Variants in SOS2 observed in about 807,000 individuals in gnomAD.
SOS2 encodes the protein son of sevenless homolog 2.
SOS2 carries 65 observed loss-of-function variants against 148.2 expected under a neutral mutation model. That is an observed-to-expected ratio of 0.44 (90% CI 0.36 to 0.54). The LOEUF (loss-of-function observed/expected upper bound fraction) is 0.54. Among genes scored for constraint, SOS2 ranks in the 20% least tolerant of loss-of-function variants. The pLI, the probability that SOS2 is intolerant of heterozygous loss-of-function variation, is 0.00. For missense variants in SOS2, 1,341 were observed against 1,590.2 expected (o/e 0.84, Z 2.67); for synonymous variants, 539 against 537.1 (o/e 1.00, Z -0.05).
chr14:50,163,280 C>T (rs1290475913), intron 8 of SOS2, among the ~76,000 whole-genome samples: 2 of 151,878 alleles, frequency 1.3e-5, no homozygotes, highest in Non-Finnish European at 2.9e-5. Context: ...ATTTTGTGAT[C>T]TTTAACTTAT....
chr14:50,133,104 T>A (rs1490429713), intron 19 of SOS2, among the ~76,000 whole-genome samples: 1 of 152,120 alleles, frequency 6.6e-6, no homozygotes, highest in Non-Finnish European at 1.5e-5. Context: ...ATGGTTGGTA[T>A]TAGCGCTTAC....
Position 50,192,621 on chromosome 14 carries a change from T to G in SOS2, c.511-3921A>C, listed in dbSNP as rs8007526. Among the ~76,000 whole-genome samples the G allele has an allele frequency of 5.1e-3, 768 of 151,872 alleles. 5 individuals are homozygous for G. Among genetic ancestry groups the G allele is most frequent in the African/African-American group, 0.017 (685 of 41,432 alleles). ...GCTCATGCCTGTAATCCTAGCACTT[T>G]GGGAGGCCAAGGCAGGCAGATCACT... On this transcript the variant is annotated intron_variant, in intron 4 of 22. Transcript: ENST00000216373.
At chr14:50,135,658 T>C (rs1884054789) in intron 18 of SOS2, among the ~76,000 whole-genome samples, 1 of 143,540 alleles carries the variant, frequency 7.0e-6, no homozygotes, top group African/African-American at 2.5e-5. Flanking sequence ...TTTTTTTTTT[T>C]TTTTTTGAGA....
intron 10 of SOS2, among the ~76,000 whole-genome samples, chr14:50,159,062 C>T (rs559148481): frequency 4.6e-5 from 7 of 151,934 alleles, no homozygotes; most frequent in South Asian, 2.1e-4. Context: ...TTGTTGCGGG[C>T]GCCTATAGTC....
At chr14:50,198,352 T>A (rs1317491469) in intron 4 of SOS2, among the ~76,000 whole-genome samples, 11 of 146,538 alleles carry the variant, frequency 7.5e-5, no homozygotes, top group Non-Finnish European at 6.0e-5. Flanking sequence ...ATTTTCAAAG[T>A]AAAAAAAAAA....
chr14:50,147,679 AC>A, intron 14 of SOS2, among the ~76,000 whole-genome samples: 1 of 152,370 alleles, frequency 6.6e-6, no homozygotes, highest in African/African-American at 2.4e-5. Context: ...GGAGAATTAC[AC>A]AAAGGATTTC....
chr14:50,189,331 C>CAAAA (rs761860061), intron 4 of SOS2, among the ~76,000 whole-genome samples: 7 of 31,486 alleles, frequency 2.2e-4, no homozygotes, highest in Admixed American at 4.9e-4. Context: ...CACATAATAG[C>CAAAA]AAAAAAAAAA....
intron 4 of SOS2, among the ~76,000 whole-genome samples, chr14:50,195,141 C>T (rs544467375): frequency 3.7e-4 from 56 of 152,256 alleles, no homozygotes; most frequent in Admixed American, 3.7e-3. Flanking sequence ...AAAGACCTAA[C>T]ATAATGGTAC....
intron 9 of SOS2, among the ~76,000 whole-genome samples, chr14:50,160,366 T>A (rs1884957420): frequency 6.9e-6 from 1 of 144,960 alleles, no homozygotes; most frequent in Non-Finnish European, 1.5e-5. Context: ...CCTAATAATA[T>A]AACAATGCTA....
upstream of SOS2, among the ~76,000 whole-genome samples, chr14:50,231,765 C>T (rs1421626304): frequency 6.6e-6 from 1 of 152,054 alleles, no homozygotes; most frequent in South Asian, 2.1e-4. Flanking sequence ...CCTGCCCACT[C>T]GAGTCACCTC....
At chr14:50,156,885 T>C (rs2139617700) in intron 12 of SOS2, 114 bp downstream of exon 12, 1 of 537,076 alleles carries the variant, frequency 1.9e-6, no homozygotes, top group East Asian at 3.6e-5. Flanking sequence ...TATATTTGAA[T>C]TAAAAGCTGA....
chr14:50,149,695 C>G (rs1218515781), intron 14 of SOS2, among the ~76,000 whole-genome samples: 1 of 152,152 alleles, frequency 6.6e-6, no homozygotes, highest in Non-Finnish European at 1.5e-5. Flanking sequence ...GGCCTAGCAT[C>G]CATACTAACT....
Position 50,231,284 on chromosome 14 carries a change from G to C in SOS2, c.-1C>G. ...CGTAAGGCTGCGGCGCCTGCTGCAT[G>C]GCCCCGGCGACAGCGCCTCCGCATC... On this transcript the variant is annotated 5_prime_UTR_variant, in exon 1 of 23. Coordinates refer to ENST00000216373, the MANE Select transcript of SOS2 (RefSeq NM_006939.4). The C allele has an allele frequency of 7.0e-7, 1 of 1,427,302 alleles. No individual in the cohort carries two copies. The highest frequency in any genetic ancestry group is 1.6e-5 in the South Asian group (1 of 62,660). The allele number at this position is 1,427,302 out of a possible 1,614,324, so 88.4% of individuals were successfully genotyped here.
chr14:50,205,594 C>T (rs1318513950), intron 1 of SOS2, among the ~76,000 whole-genome samples: 1 of 152,148 alleles, frequency 6.6e-6, no homozygotes, highest in African/African-American at 2.4e-5. Context: ...ACGATTTAGA[C>T]TTTGCCATTT....
chr14:50,157,544 C>G (rs1486020520), intron 11 of SOS2, among the ~76,000 whole-genome samples: 3 of 151,934 alleles, frequency 2.0e-5, no homozygotes, highest in African/African-American at 7.2e-5. Context: ...AAATAATTTA[C>G]CTAAGTGGAT....
At position 50,189,102 on chromosome 14, in the gene SOS2, C is replaced by CACAT. The variant is rs36076916; in HGVS notation, c.511-403_511-402insATGT. Among the ~76,000 whole-genome samples, 211 of 145,404 alleles carry CACAT rather than the reference C, an allele frequency of 1.5e-3. No homozygotes were observed. The Middle Eastern group carries it at 0.042, about 29-fold the overall frequency. The stretch of plus-strand genomic sequence containing the variant: ...ACACACACACACACACACACACACA[C>CACAT]GCACACACAAATATTACACAATGAG... On this transcript the variant is annotated intron_variant, in intron 4 of 22. Coordinates refer to ENST00000216373, the MANE Select transcript of SOS2 (RefSeq NM_006939.4).
At chr14:50,187,224 C>T (rs1001662754) in intron 5 of SOS2, among the ~76,000 whole-genome samples, 2 of 152,018 alleles carry the variant, frequency 1.3e-5, no homozygotes, top group African/African-American at 4.8e-5. Flanking sequence ...GTTACCCAGG[C>T]TGGTCTCAAA....
At chr14:50,122,979 C>T (rs189002128) in intron 21 of SOS2, among the ~76,000 whole-genome samples, 2 of 152,260 alleles carry the variant, frequency 1.3e-5, no homozygotes, top group African/African-American at 2.4e-5. Flanking sequence ...CAAAAATTCA[C>T]GTCCTTATGG....
chr14:50,231,151 G>T (rs756355470), intron 1 of SOS2, 46 bp downstream of exon 1: 3 of 1,190,454 alleles, frequency 2.5e-6, no homozygotes, highest in African/African-American at 1.6e-5. Context: ...TTAGAAGCTC[G>T]GGGGGCCACG....
Sources: gnomAD v4.1 joint callset for allele counts (sites outside exome capture counted in the v4.1 genomes callset) on GRCh38, gnomAD v4.1.1 for gene constraint, MANE v1.5 for transcripts, NCBI Gene and HGNC (gene_info 2026-07-23, HGNC 2026-07-21) for gene names.